SLIT2: variants seen among roughly 807,000 people sequenced by gnomAD.
The protein encoded by SLIT2 is slit guidance ligand 2, also known as slit homolog 2 protein.
Under a neutral mutation model 185.7 loss-of-function variants are expected in SLIT2, and 41 were observed. The ratio of observed to expected loss-of-function variants is 0.22; its 90% CI spans 0.17 to 0.29. The LOEUF is 0.29. SLIT2 is among the 10% of genes least tolerant of loss of function. The pLI is 1.00. For missense variants in SLIT2, 1,571 were observed against 1,909.0 expected, an observed-to-expected ratio of 0.82 and a Z score of 3.30; for synonymous variants, 693 against 680.2, an observed-to-expected ratio of 1.02 and a Z score of -0.29.
rs1721068373 is a variant in SLIT2, at chr4:20,524,043, A to G, written c.1304A>G (p.Asp435Gly). Residue 435 changes from aspartate (D) to glycine (G), a missense_variant, in exon 14 of 37, where the codon GAC becomes GGC. By Grantham distance (94) the Asp-to-Gly change is moderately conservative (BLOSUM62 -1). Around this residue, in one of 3 missense-constraint regions of SLIT2, gnomAD observed 1,202 missense variants for 1,416.4 expected, o/e 0.85. Transcript: ENST00000504154. ...TTGGCCCAGAACCCCTTTATTTGTG[A>G]CTGCCATCTCAAGTGGCTAGCGGAT... ...MHLAQNPFIC[D>G]CHLKWLADYL... 1.9e-6 allele frequency: 3 copies of G among 1,614,180 alleles called. No homozygotes were observed. The highest frequency in any genetic ancestry group is 2.2e-5 in the East Asian group (1 of 44,878).
At chr4:20,313,557 C>G (rs1718302956) in intron 4 of SLIT2, among the ~76,000 whole-genome samples, 1 of 152,188 alleles carries the variant, frequency 6.6e-6, no homozygotes, top group Non-Finnish European at 1.5e-5. Context: ...TTTCTGATTA[C>G]TTTCTGCCTT....
At chr4:20,449,953 G>A (rs367986783) in intron 4 of SLIT2, among the ~76,000 whole-genome samples, 72 of 81,810 alleles carry the variant, frequency 8.8e-4, no homozygotes, top group African/African-American at 3.7e-3. Context: ...AAGATTGACA[G>A]CTCAGTGTTT....
intron 4 of SLIT2, among the ~76,000 whole-genome samples, chr4:20,403,993 C>T (rs556241703): frequency 6.6e-6 from 1 of 151,702 alleles, no homozygotes; most frequent in Non-Finnish European, 1.5e-5. Context: ...TCAACTTTGC[C>T]TCAATAAAGA....
chr4:20,596,673 A>G lies in SLIT2; in HGVS notation c.3561+18A>G, dbSNP rs1728006870. On this transcript the variant is annotated intron_variant, in intron 32 of 36. Coordinates refer to ENST00000504154, the MANE Select transcript of SLIT2 (RefSeq NM_004787.4). ...CACTTCAGGTAAGAGATCTCTCTCT[A>G]TGGAGAGATGATCGGATCTTAAAAT... is the stretch of plus-strand genomic sequence containing the variant. 6.2e-7 allele frequency: 1 copy of G among 1,602,842 alleles called. No homozygotes were observed. Among genetic ancestry groups the G allele is most frequent in the Admixed American group, 1.7e-5 (1 of 59,198 alleles).
chr4:20,548,675 T>A, intron 23 of SLIT2, 116 bp downstream of exon 23: 1 of 686,478 alleles, frequency 1.5e-6, no homozygotes, highest in South Asian at 1.8e-5. Context: ...AATGTTTCTA[T>A]TGGGAGAAAC....
At chr4:20,364,344 G>A in intron 4 of SLIT2, 1 of 907,966 alleles carries the variant, frequency 1.1e-6, no homozygotes, top group Non-Finnish European at 1.3e-6. Flanking sequence ...TTTCAGGATA[G>A]CTGGACAGTT....
chr4:20,284,792 T>C (rs1321979403), intron 4 of SLIT2, among the ~76,000 whole-genome samples: 1 of 152,266 alleles, frequency 6.6e-6, no homozygotes, highest in African/African-American at 2.4e-5. Flanking sequence ...CATTTATGTG[T>C]GTGAGAGATT....
At chr4:20,328,159 G>A (rs1719752400) in intron 4 of SLIT2, among the ~76,000 whole-genome samples, 2 of 152,004 alleles carry the variant, frequency 1.3e-5, no homozygotes, top group African/African-American at 4.8e-5. Context: ...TTCTTTGAAT[G>A]TTTTTAAACA....
chr4:20,336,516 C>T (rs1168617977), intron 4 of SLIT2, among the ~76,000 whole-genome samples: 1 of 152,090 alleles, frequency 6.6e-6, no homozygotes, highest in Non-Finnish European at 1.5e-5. Flanking sequence ...AAACATCACA[C>T]ACTGGGGCCT....
chr4:20,470,224 C>T (rs939197083), intron 5 of SLIT2, among the ~76,000 whole-genome samples: 6 of 151,952 alleles, frequency 3.9e-5, no homozygotes, highest in African/African-American at 1.5e-4. Context: ...AAAAATGCAT[C>T]ATAAGGGGAG....
At chr4:20,525,043 C>G in intron 14 of SLIT2, 106 bp from the exon 15 acceptor site, 1 of 787,552 alleles carries the variant, frequency 1.3e-6, no homozygotes. Flanking sequence ...ATACATTTTT[C>G]ACTTAATTGC....
intron 4 of SLIT2, among the ~76,000 whole-genome samples, chr4:20,322,492 T>C (rs938239682): frequency 1.3e-5 from 2 of 152,176 alleles, no homozygotes; most frequent in African/African-American, 4.8e-5. Flanking sequence ...AATTTAGCCC[T>C]TTGTGAATGC....
At chr4:20,531,083 G>A (rs1298241744) in intron 16 of SLIT2, among the ~76,000 whole-genome samples, 2 of 151,766 alleles carry the variant, frequency 1.3e-5, no homozygotes, top group Non-Finnish European at 2.9e-5. Context: ...TTCTCAAAGA[G>A]TTAATCACGA....
rs1022370216 is a variant in SLIT2, at chr4:20,484,557, A to G, written c.540-1643A>G. On this transcript the variant is annotated intron_variant, in intron 6 of 36. Transcript: ENST00000504154. The surrounding 1 kb of genome is among the most constrained non-coding windows in gnomAD (Gnocchi z 4.3). ...CATGCATGATCTGGGTCTCTAGCTG[A>G]CATGCCCTGTTTTACTGAAAAGTTT... 3.3e-5 allele frequency among the ~76,000 whole-genome samples: 5 copies of G among 152,108 alleles called. No individual in the cohort carries two copies. Among genetic ancestry groups the G allele is most frequent in the South Asian group, 2.1e-4 (1 of 4,828 alleles).
chr4:20,393,308 A>G (rs1443310523), intron 4 of SLIT2: 1 of 152,076 alleles, frequency 6.6e-6, no homozygotes, highest in East Asian at 1.9e-4. Context: ...AGCAGCAAAT[A>G]GAAGCCTAAT....
chr4:20,577,294 A>G (rs1420947969), intron 29 of SLIT2, among the ~76,000 whole-genome samples: 1 of 152,226 alleles, frequency 6.6e-6, no homozygotes, highest in Admixed American at 6.5e-5. Context: ...CAAGCAACTC[A>G]TTTCATACCA....
intron 11 of SLIT2, among the ~76,000 whole-genome samples, chr4:20,516,069 C>CCTCCCAAAGTGCTGGGA (rs1469102054): frequency 6.6e-6 from 1 of 152,202 alleles, no homozygotes; most frequent in African/African-American, 2.4e-5. Context: ...GCCGCCTGGG[C>CCTCCCAAAGTGCTGGGA]CTCCCAAAGT....
chr4:20,258,543 GTCATTCAAAGT>G (rs1712102239), intron 3 of SLIT2, among the ~76,000 whole-genome samples: 1 of 151,656 alleles, frequency 6.6e-6, no homozygotes, highest in African/African-American at 2.4e-5. Flanking sequence ...TCAAATTGTG[GTCATTCAAAGT>G]TGGTTTTCTT....
At chr4:20,555,014 C>CGTAGGAAACTT (rs1724124686) in intron 26 of SLIT2, among the ~76,000 whole-genome samples, 1 of 152,116 alleles carries the variant, frequency 6.6e-6, no homozygotes, top group African/African-American at 2.4e-5. Flanking sequence ...ATGATCCACA[C>CGTAGGAAACTT]CCCCTTGGCC....
Sources: gnomAD v4.1 joint callset for allele counts (sites outside exome capture counted in the v4.1 genomes callset) on GRCh38, gnomAD v4.1.1 for gene constraint, gnomAD v4.1.1 regional missense constraint, Gnocchi (gnomAD v3.1) non-coding constraint, MANE v1.5 for transcripts, NCBI Gene and HGNC (gene_info 2026-07-23, HGNC 2026-07-21) for gene names.